AKAP19: variants seen among roughly 807,000 people sequenced by gnomAD.
The protein encoded by AKAP19 is A-kinase anchoring protein 19.
At chr2:189,964,879 A>G in the AKAP19 span, among the ~76,000 whole-genome samples, 2 of 152,182 alleles carry the variant, frequency 1.3e-5, no homozygotes, top group Admixed American at 6.5e-5. Flanking sequence ...AGGCTGAATC[A>G]CTTATTATTT....
the AKAP19 span, among the ~76,000 whole-genome samples, chr2:190,128,566 A>G: frequency 6.6e-6 from 1 of 152,228 alleles, no homozygotes; most frequent in African/African-American, 2.4e-5. Flanking sequence ...AGCCCATTTA[A>G]ATCAGGATAT....
At chr2:190,123,079 T>G in the AKAP19 span, among the ~76,000 whole-genome samples, 3 of 152,120 alleles carry the variant, frequency 2.0e-5, no homozygotes, top group African/African-American at 7.2e-5. Flanking sequence ...CCCAAAGCAC[T>G]GGGATTACTA....
chr2:189,887,426 C>T, the AKAP19 span, among the ~76,000 whole-genome samples: 7 of 152,202 alleles, frequency 4.6e-5, no homozygotes, highest in East Asian at 1.2e-3. Context: ...TTGACAGTGC[C>T]GCAATAAACC....
the AKAP19 span, among the ~76,000 whole-genome samples, chr2:189,910,654 A>AT: frequency 2.0e-5 from 3 of 151,742 alleles, no homozygotes; most frequent in Non-Finnish European, 4.4e-5. Flanking sequence ...GCGTAACCAT[A>AT]TTTTTTTGCT....
chr2:189,957,868 A>G, the AKAP19 span, among the ~76,000 whole-genome samples: 1 of 152,204 alleles, frequency 6.6e-6, no homozygotes, highest in African/African-American at 2.4e-5. Context: ...ATCTCAGCTT[A>G]CTGCAACCTC....
the AKAP19 span, chr2:190,150,357 C>G: frequency 6.6e-6 from 1 of 152,224 alleles, no homozygotes; most frequent in Non-Finnish European, 1.5e-5. Context: ...GCAGGAATGG[C>G]CTGCTAGGGG....
chr2:190,080,265 G>A, the AKAP19 span, among the ~76,000 whole-genome samples: 6 of 152,166 alleles, frequency 3.9e-5, no homozygotes, highest in African/African-American at 1.4e-4. Flanking sequence ...TCATGTTTGT[G>A]CTATATACCA....
At chr2:189,982,664 C>CT in the AKAP19 span, among the ~76,000 whole-genome samples, 126,446 of 143,890 alleles carry the variant, frequency 0.88, 55,718 homozygotes, top group South Asian at 0.94. Flanking sequence ...GGAACCTTAA[C>CT]TTTTTTTTTT....
the AKAP19 span, among the ~76,000 whole-genome samples, chr2:190,061,076 G>A: frequency 9.9e-4 from 150 of 152,150 alleles, 1 homozygote; most frequent in Middle Eastern, 3.4e-3. Context: ...TGTCATGTAA[G>A]CACAAGCACT....
the AKAP19 span, among the ~76,000 whole-genome samples, chr2:190,102,245 C>A: frequency 1.3e-5 from 2 of 151,762 alleles, no homozygotes; most frequent in Non-Finnish European, 2.9e-5. Context: ...TAGAAAGACC[C>A]CAAATTAATG....
chr2:189,964,175 C>A, the AKAP19 span, among the ~76,000 whole-genome samples: 1 of 152,168 alleles, frequency 6.6e-6, no homozygotes, highest in African/African-American at 2.4e-5. Flanking sequence ...TTGTACATCT[C>A]CATCAGAGCT....
chr2:189,970,318 A>G, the AKAP19 span, among the ~76,000 whole-genome samples: 1 of 152,066 alleles, frequency 6.6e-6, no homozygotes, highest in Non-Finnish European at 1.5e-5. Flanking sequence ...ACTCTGTGTA[A>G]TTTTCCTGGA....
At chr2:190,139,297 A>G in the AKAP19 span, among the ~76,000 whole-genome samples, 1 of 152,220 alleles carries the variant, frequency 6.6e-6, no homozygotes, top group Admixed American at 6.5e-5. Flanking sequence ...GATAGAGGGC[A>G]TTACAGAAAT....
the AKAP19 span, among the ~76,000 whole-genome samples, chr2:190,101,419 T>C: frequency 6.6e-6 from 1 of 152,148 alleles, no homozygotes; most frequent in Non-Finnish European, 1.5e-5. Context: ...CCTGAGAGGA[T>C]AGCAGCAGGG....
chr2:190,148,922 T>C, the AKAP19 span, among the ~76,000 whole-genome samples: 2 of 151,350 alleles, frequency 1.3e-5, no homozygotes, highest in African/African-American at 2.4e-5. Context: ...ATTTTGCTAA[T>C]GGTCTATCAA....
the AKAP19 span, among the ~76,000 whole-genome samples, chr2:190,149,439 G>A: frequency 1.2e-4 from 19 of 152,134 alleles, no homozygotes; most frequent in East Asian, 1.9e-3. Flanking sequence ...CTCTTTCAGC[G>A]TTTTTGATGT....
the AKAP19 span, among the ~76,000 whole-genome samples, chr2:189,922,678 C>T: frequency 1.2e-4 from 18 of 152,186 alleles, no homozygotes; most frequent in African/African-American, 4.1e-4. Context: ...AGTTCTTATA[C>T]TGTAAACAAA....
At chr2:190,020,328 T>C in the AKAP19 span, among the ~76,000 whole-genome samples, 2 of 152,236 alleles carry the variant, frequency 1.3e-5, no homozygotes, top group African/African-American at 4.8e-5. Flanking sequence ...ATCTTTATAC[T>C]ATTAAGATTC....
At chr2:189,967,438 G>A in the AKAP19 span, among the ~76,000 whole-genome samples, 3 of 152,138 alleles carry the variant, frequency 2.0e-5, no homozygotes, top group Non-Finnish European at 4.4e-5. Context: ...ATGTTTTTCT[G>A]TCAACACAGA....
Sources: gnomAD v4.1 joint callset for allele counts (sites outside exome capture counted in the v4.1 genomes callset) on GRCh38, gnomAD v4.1.1 for gene constraint, MANE v1.5 for transcripts, NCBI Gene and HGNC (gene_info 2026-07-23, HGNC 2026-07-21) for gene names.